The following KCTD17 variants were observed in gnomAD, a reference collection of about 807,000 sequenced individuals.
The protein encoded by KCTD17 is BTB/POZ domain-containing protein KCTD17.
A neutral mutation model predicts 41.5 loss-of-function variants in KCTD17; 20 were observed. That is an observed-to-expected ratio of 0.48 (90% CI 0.34 to 0.70). The LOEUF (loss-of-function observed/expected upper bound fraction) is 0.70, where lower values mean the gene tolerates loss of function less well. Ranked by LOEUF, KCTD17 falls within the 30% of genes least tolerant of loss-of-function variation. The pLI, the probability that KCTD17 is intolerant of heterozygous loss-of-function variation, is 0.01. For synonymous variants in KCTD17, 156 were observed against 173.8 expected, an observed-to-expected ratio of 0.90 and a Z score of 0.80; for missense variants, 317 against 427.2, an observed-to-expected ratio of 0.74 and a Z score of 2.27.
intron 4 of KCTD17, 47 bp from the exon 5 acceptor site, chr22:37,059,266 C>A (rs1413871318): frequency 1.2e-6 from 2 of 1,606,270 alleles, no homozygotes; most frequent in African/African-American, 1.3e-5. Context: ...TGCCCCACGG[C>A]CCCCAACACC....
intron 8 of KCTD17, chr22:37,062,094 C>G (rs1187118077): frequency 1.0e-6 from 1 of 981,172 alleles, no homozygotes; most frequent in Non-Finnish European, 1.2e-6. Flanking sequence ...TTGGGCAAGT[C>G]ACTGTCCCTC....
Position 37,059,189 on chromosome 22 carries a change from C to A in KCTD17, c.487-124C>A. The A allele has an allele frequency of 7.4e-6, 10 of 1,358,688 alleles. 1 individual carries two copies. In the South Asian group the frequency reaches 1.1e-4, roughly 15 times the overall value. The allele number at this position is 1,358,688 out of a possible 1,614,324, so 84.2% of individuals were successfully genotyped here. A position where few individuals can be genotyped will look rare whatever the true frequency, so the allele number is the denominator to read the frequency against. On this transcript the variant is annotated intron_variant, in intron 4 of 8. Coordinates refer to ENST00000403888, the MANE Select transcript of KCTD17 (RefSeq NM_001282684.2). The stretch of plus-strand genomic sequence containing the variant: ...TGCCCTCTACAAACCCAGGAGTGGG[C>A]CCGACAAGCCGCAAGATTAGGACCT...
At chr22:37,056,534 C>T (rs770795612) in intron 3 of KCTD17, 123 bp downstream of exon 3, 27 of 762,308 alleles carry the variant, frequency 3.5e-5, no homozygotes, top group South Asian at 5.2e-5. Flanking sequence ...ATGGGGAGGC[C>T]GAGCTGGCCT....
At chr22:37,057,239 G>A in intron 3 of KCTD17, 159 bp from the exon 4 acceptor site, 1 of 690,650 alleles carries the variant, frequency 1.4e-6, no homozygotes, top group Non-Finnish European at 2.7e-6. Context: ...TGAGGAGCAG[G>A]TGCTCAGAGC....
At chr22:37,056,597 G>C (rs1048996747) in intron 3 of KCTD17, among the ~76,000 whole-genome samples, 186 bp downstream of exon 3, 1 of 152,164 alleles carries the variant, frequency 6.6e-6, no homozygotes, top group Non-Finnish European at 1.5e-5. Flanking sequence ...CCCCAGACTC[G>C]GAGACGGACA....
rs543907016 is a variant in KCTD17 at position 37,052,627 on chromosome 22, C to A, written c.190-473C>A. On this transcript the variant is annotated intron_variant, in intron 1 of 8. Coordinates refer to ENST00000403888, the MANE Select transcript of KCTD17 (RefSeq NM_001282684.2). ...CGCCTCACCTCTCAATGTCTCCGAT[C>A]TCTCTGTAGAGTCGCATGGAAGCCC... 1.2e-4 allele frequency: 58 copies of A among 471,104 alleles called. 1 individual carries two copies. In the East Asian group the frequency reaches 3.6e-3, roughly 29 times the overall value. 29.2% of individuals were successfully genotyped at this position (471,104 alleles called of 1,614,324 possible).
At chr22:37,052,128 T>G (rs1003807530) in intron 1 of KCTD17, 179 bp downstream of exon 1, 12 of 844,700 alleles carry the variant, frequency 1.4e-5, no homozygotes, top group Admixed American at 1.1e-4. Flanking sequence ...TAGTGAGGGA[T>G]GTACCCATTG....
chr22:37,062,783 C>T lies in KCTD17; in HGVS notation c.*189C>T, dbSNP rs999082076. 25 of 1,290,576 alleles carry T rather than the reference C, an allele frequency of 1.9e-5. No individual in the cohort carries two copies. In the East Asian group the frequency reaches 5.6e-4, roughly 29 times the overall value. The allele number at this position is 1,290,576 out of a possible 1,614,324, so 79.9% of individuals were successfully genotyped here. On this transcript the variant is annotated 3_prime_UTR_variant, in exon 9 of 9. Coordinates refer to ENST00000403888, the MANE Select transcript of KCTD17 (RefSeq NM_001282684.2). The stretch of plus-strand genomic sequence containing the variant: ...GGACCTCTGGGCAGAGTGGACTGCT[C>T]ATGGCAGATGTGTGGCAATGTCTGG...
chr22:37,059,581 GCCAT>G, intron 5 of KCTD17, 143 bp downstream of exon 5: 2 of 979,522 alleles, frequency 2.0e-6, no homozygotes, highest in Non-Finnish European at 3.0e-6. Flanking sequence ...CACAGCCACC[GCCAT>G]CCATCCCATG....
Position 37,051,766 on chromosome 22 carries a change from GA to G in KCTD17, c.7del (p.Met3TrpfsTer34). 1 of 1,236,472 alleles carries G rather than the reference GA, an allele frequency of 8.1e-7. No homozygotes were observed. Among genetic ancestry groups the G allele is most frequent in the Non-Finnish European group, 1.0e-6 (1 of 991,106 alleles). The allele number at this position is 1,236,472 out of a possible 1,614,324, so 76.6% of individuals were successfully genotyped here. A position where few individuals can be genotyped will look rare whatever the true frequency, so the allele number is the denominator to read the frequency against. ...TGCAGACGCCGCGGCCGGCGATGAG[GA>G]TGGAGGCCGGGGAGGCAGCGCCGCC... Reference protein sequence around the residue: MRMEAGEAAPPAG... With the variant: MRXEAGEAAPPAG... On this transcript the variant is annotated frameshift_variant, in exon 1 of 9. Coordinates refer to ENST00000403888, the MANE Select transcript of KCTD17 (RefSeq NM_001282684.2). LOFTEE classifies it high-confidence loss of function.
intron 1 of KCTD17, 106 bp from the exon 2 acceptor site, chr22:37,052,994 C>G (rs1339233727): frequency 1.1e-6 from 1 of 918,388 alleles, no homozygotes; most frequent in East Asian, 2.7e-5. Context: ...CCTGCTCCAT[C>G]CAGGGAAGAG....
intron 5 of KCTD17, among the ~76,000 whole-genome samples, chr22:37,059,927 T>G (rs892219045): frequency 6.6e-6 from 1 of 152,198 alleles, no homozygotes; most frequent in Non-Finnish European, 1.5e-5. Context: ...TGAGCCAGGA[T>G]GAGGAAGCCA....
At chr22:37,055,956 G>A (rs1925053428) in intron 2 of KCTD17, among the ~76,000 whole-genome samples, 1 of 152,184 alleles carries the variant, frequency 6.6e-6, no homozygotes, top group Admixed American at 6.5e-5. Context: ...TTAATAAATA[G>A]GAGCACATAA....
Position 37,061,417 on chromosome 22 carries a change from G to C in KCTD17, c.785-122G>C. 1 of 1,477,416 alleles carries C rather than the reference G, an allele frequency of 6.8e-7. No homozygotes were observed. The highest frequency in any genetic ancestry group is 9.0e-7 in the Non-Finnish European group (1 of 1,114,398). 91.5% of individuals were successfully genotyped at this position (1,477,416 alleles called of 1,614,324 possible). A position where few individuals can be genotyped will look rare whatever the true frequency, so the allele number is the denominator to read the frequency against. ...CTGCCTCCCAGCCTGGGGAGGAGGG[G>C]CGCAGCTGCACCTCCTCTGTGCCCA... On this transcript the variant is annotated intron_variant, in intron 7 of 8. Transcript: ENST00000403888. This position sits in a 1 kb window ranked among gnomAD's most constrained non-coding sequence, Gnocchi z 6.6.
chr22:37,056,401 C>T lies in KCTD17; in HGVS notation c.380C>T (p.Thr127Met), dbSNP rs370855894. 56 of 1,613,072 alleles carry T rather than the reference C, an allele frequency of 3.5e-5. No individual in the cohort carries two copies. Among genetic ancestry groups the T allele is most frequent in the Middle Eastern group, 3.3e-4 (2 of 6,056 alleles). ...GACCGGATGGAAGAGAAGGACTACA[C>T]GGTCACCCAGGTCGGGAGCAGGGGC... ...IKDRMEEKDY[T>M]VTQVPPKHVY... Residue 127 changes from threonine (T) to methionine (M), a missense_variant, in exon 3 of 9, where the codon ACG becomes ATG. Thr to Met is a moderately conservative substitution (Grantham distance 81, BLOSUM62 -1). Transcript: ENST00000403888.
rs1013242469 is a variant in KCTD17 at position 37,062,887 on chromosome 22, A to G, written c.*293A>G. 8 of 497,526 alleles carry G rather than the reference A, an allele frequency of 1.6e-5. No individual in the cohort carries two copies. The highest frequency in any genetic ancestry group is 5.8e-5 in the African/African-American group (3 of 51,336). The allele number at this position is 497,526 out of a possible 1,614,324, so 30.8% of individuals were successfully genotyped here. On this transcript the variant is annotated 3_prime_UTR_variant, in exon 9 of 9. Coordinates refer to ENST00000403888, the MANE Select transcript of KCTD17 (RefSeq NM_001282684.2). ...GGATGTGCTCCTTCCTGGCCCGGTCACATTGCCTCCTTGAGCCTTAGTCCA... is the reference window on the plus strand; with the variant it reads ...GGATGTGCTCCTTCCTGGCCCGGTCGCATTGCCTCCTTGAGCCTTAGTCCA...
At chr22:37,056,271 G>T (rs1288943698) in intron 2 of KCTD17, 49 bp from the exon 3 acceptor site, 1 of 1,518,664 alleles carries the variant, frequency 6.6e-7, no homozygotes, top group Non-Finnish European at 9.1e-7. Flanking sequence ...GAGGAGAATG[G>T]GGCATGGAGG....
chr22:37,052,438 C>T, intron 1 of KCTD17: 1 of 438,928 alleles, frequency 2.3e-6, no homozygotes, highest in Non-Finnish European at 4.7e-6. Context: ...AGCACCCACC[C>T]TGACTCTGCT....
chr22:37,051,976 C>T (rs1317294009), intron 1 of KCTD17, 27 bp downstream of exon 1: 5 of 1,413,450 alleles, frequency 3.5e-6, no homozygotes, highest in East Asian at 2.9e-5. Context: ...GGGCGGCGAG[C>T]GGGCGGTGGG....
Sources: gnomAD v4.1 joint callset for allele counts (sites outside exome capture counted in the v4.1 genomes callset) on GRCh38, gnomAD v4.1.1 for gene constraint, Gnocchi (gnomAD v3.1) non-coding constraint, MANE v1.5 for transcripts, NCBI Gene and HGNC (gene_info 2026-07-23, HGNC 2026-07-21) for gene names.